The following PAXIP1 variants were observed in gnomAD, a reference collection of about 807,000 sequenced individuals.
The protein encoded by PAXIP1 is PAX-interacting protein 1.
A neutral mutation model predicts 140.6 loss-of-function variants in PAXIP1; 19 were observed. The ratio of observed to expected loss-of-function variants is 0.14; its 90% CI spans 0.09 to 0.20. The LOEUF is 0.20. Among genes scored for constraint, PAXIP1 ranks in the 10% least tolerant of loss-of-function variants. The probability of loss-of-function intolerance (pLI) is 1.00; values close to 1 mark genes in which losing one functional copy is unlikely to be tolerated. For missense variants in PAXIP1, 920 were observed against 1,208.6 expected (o/e 0.76, Z 3.54); for synonymous variants, 442 against 444.6 (o/e 0.99, Z 0.07).
rs1331013601 is a variant in PAXIP1, at chr7:154,948,012, C to T, written c.2822-9G>A. 1.3e-6 allele frequency: 2 copies of T among 1,573,266 alleles called. No individual in the cohort carries two copies. The highest frequency in any genetic ancestry group is 2.7e-5 in the African/African-American group (2 of 74,016). On this transcript the variant is annotated splice_polypyrimidine_tract_variant and intron_variant, in intron 16 of 20. Transcript: ENST00000404141. ...AATGTAGTTCTGCTCATCTGGAAAA[C>T]AGAACAGCACATACTCTGAAAAGTG... is the stretch of plus-strand genomic sequence containing the variant.
chr7:154,971,045 C>T (rs1170889062), intron 6 of PAXIP1, among the ~76,000 whole-genome samples: 6 of 152,148 alleles, frequency 3.9e-5, no homozygotes, highest in Non-Finnish European at 7.4e-5. Context: ...AGGCACAGGA[C>T]CTAGACAAAC....
Position 154,960,962 on chromosome 7 carries a change from TATACTG to T in PAXIP1, c.2359_2364del (p.Gln787_Tyr788del). The T allele has an allele frequency of 6.2e-7, 1 of 1,605,230 alleles. No homozygotes were observed. Among genetic ancestry groups the T allele is most frequent in the Non-Finnish European group, 8.5e-7 (1 of 1,175,524 alleles). ...TGCAGACTGAATGCCGTGTAGCGAC[TATACTG>T]AATCTGCCTCAGTGCCTCAAAGTTT... On this transcript the variant is annotated inframe_deletion, in exon 12 of 21. Transcript: ENST00000404141.
At position 154,973,921 on chromosome 7, in the gene PAXIP1, C is replaced by T. The variant is rs944427557; in HGVS notation, c.1074+1775G>A. 1.3e-5 allele frequency among the ~76,000 whole-genome samples: 2 copies of T among 152,152 alleles called. No individual in the cohort carries two copies. The highest frequency in any genetic ancestry group is 2.9e-5 in the Non-Finnish European group (2 of 68,036). On this transcript the variant is annotated intron_variant, in intron 6 of 20. Coordinates refer to ENST00000404141, the MANE Select transcript of PAXIP1 (RefSeq NM_007349.4). This position sits in a 1 kb window ranked among gnomAD's most constrained non-coding sequence, Gnocchi z 4.0. ...GTCCAGAACAAGGTGAAGCGGCAGA[C>T]GGGGTGTCACCATCAGATGGAACAG...
intron 1 of PAXIP1, 56 bp downstream of exon 1, chr7:155,002,790 ACGG>A: frequency 1.0e-6 from 1 of 963,952 alleles, no homozygotes; most frequent in African/African-American, 1.7e-5. Context: ...GGGGACGGGG[ACGG>A]GGACGGACGG....
chr7:154,957,398 C>A lies in PAXIP1; in HGVS notation c.2479-104G>T, dbSNP rs960595136. ...AATAATCAAACTACTTAAACATATA[C>A]AAGAATCATGTTCTTCTTCACCACA... On this transcript the variant is annotated intron_variant, in intron 13 of 20. Transcript: ENST00000404141. The A allele has an allele frequency of 2.4e-5, 14 of 574,402 alleles. No individual in the cohort carries two copies. The African/African-American group carries it at 2.5e-4, about 10-fold the overall frequency. 35.6% of individuals were successfully genotyped at this position (574,402 alleles called of 1,614,324 possible). A position where few individuals can be genotyped will look rare whatever the true frequency, so the allele number is the denominator to read the frequency against.
intron 13 of PAXIP1, among the ~76,000 whole-genome samples, chr7:154,959,310 A>ACT (rs1808655899): frequency 6.6e-6 from 1 of 152,218 alleles, no homozygotes; most frequent in South Asian, 2.1e-4. Flanking sequence ...TTACACTACT[A>ACT]CTGGCCAACA....
intron 13 of PAXIP1, among the ~76,000 whole-genome samples, chr7:154,959,217 TTGG>T (rs1808653032): frequency 6.6e-6 from 1 of 152,212 alleles, no homozygotes; most frequent in South Asian, 2.1e-4. Flanking sequence ...TGGTGAAAAC[TTGG>T]TGGGCACATG....
chr7:154,958,231 G>C (rs1808615738), intron 13 of PAXIP1, among the ~76,000 whole-genome samples: 1 of 152,154 alleles, frequency 6.6e-6, no homozygotes, highest in African/African-American at 2.4e-5. Flanking sequence ...AAAGAGAGCA[G>C]GAAGGAGATG....
intron 1 of PAXIP1, chr7:155,001,096 A>C (rs558474212): frequency 2.6e-5 from 4 of 152,382 alleles, no homozygotes; most frequent in African/African-American, 9.6e-5. Flanking sequence ...ATGTGAACTT[A>C]TAATCCACAG....
intron 2 of PAXIP1, among the ~76,000 whole-genome samples, chr7:154,995,074 C>T (rs1044052157): frequency 2.0e-5 from 3 of 152,216 alleles, no homozygotes; most frequent in African/African-American, 7.2e-5. Context: ...CCCCTCTCTC[C>T]TCATGATGCC....
At chr7:154,971,629 C>T (rs761567598) in intron 6 of PAXIP1, among the ~76,000 whole-genome samples, 59 of 152,224 alleles carry the variant, frequency 3.9e-4, no homozygotes, top group Non-Finnish European at 6.0e-4. Context: ...CGTAATTGTG[C>T]TATACTACAA....
At chr7:154,945,856 G>C in intron 20 of PAXIP1, 1 of 985,040 alleles carries the variant, frequency 1.0e-6, no homozygotes, top group Non-Finnish European at 1.2e-6. Context: ...GTCTGAAATA[G>C]AAAAAAGCCT....
rs750385990 is a variant in PAXIP1 at position 154,960,959 on chromosome 7, G to A, written c.2368C>T (p.Arg790Cys). 28 of 1,604,556 alleles carry A rather than the reference G, an allele frequency of 1.7e-5. No homozygotes were observed. Among genetic ancestry groups the A allele is most frequent in the Middle Eastern group, 3.3e-4 (2 of 6,080 alleles). Reference sequence around the variant, plus strand: ...TCCTGCAGACTGAATGCCGTGTAGCGACTATACTGAATCTGCCTCAGTGCC... The same window carrying A: ...TCCTGCAGACTGAATGCCGTGTAGCAACTATACTGAATCTGCCTCAGTGCC... ...FEALRQIQYS[R>C]YTAFSLQDPF... The change falls in exon 12 of 21, where the codon CGC becomes TGC. Residue 790 changes from arginine to cysteine, a missense_variant. Arg to Cys is a radical substitution (Grantham distance 180). Transcript: ENST00000404141.
Position 154,967,904 on chromosome 7 carries a change from T to C in PAXIP1, c.1805A>G (p.Glu602Gly). 1 of 1,609,254 alleles carries C rather than the reference T, an allele frequency of 6.2e-7. No individual in the cohort carries two copies. Among genetic ancestry groups the C allele is most frequent in the Non-Finnish European group, 8.5e-7 (1 of 1,176,424 alleles). ...FGHDPAVEIP[E>G]EGFLLGCVFA... ...CACACATCCCAATAAGAAGCCTTCT[T>C]CTGGAACTAGAGTAAAATTACATAA... The change falls in exon 8 of 21, where the codon GAA becomes GGA. Residue 602 changes from glutamate to glycine, a missense_variant. Coordinates refer to ENST00000404141, the MANE Select transcript of PAXIP1 (RefSeq NM_007349.4).
chr7:154,968,512 C>A lies in PAXIP1; in HGVS notation c.1689G>T (p.Ala563=). 1.2e-6 allele frequency: 1 copy of A among 845,446 alleles called. No individual in the cohort carries two copies. The allele number at this position is 845,446 out of a possible 1,614,324, so 52.4% of individuals were successfully genotyped here. ...GCTGAGGTGGAACCTGATGCTGCAG[C>A]GCCTGTGACGTCTGACTCAAGTGTG... The part of the protein sequence containing the change: ...TAPHLSQTSQ[A]LQHQVPPQQP... Residue 563 remains alanine, a synonymous_variant, in exon 7 of 21, where the codon GCG becomes GCT. Transcript: ENST00000404141.
chr7:154,959,678 AAGTAGGTTACACACCC>A (rs1808673584), intron 13 of PAXIP1, among the ~76,000 whole-genome samples, 196 bp downstream of exon 13: 2 of 152,174 alleles, frequency 1.3e-5, no homozygotes, highest in African/African-American at 4.8e-5. Context: ...CTGTAGCCCC[AAGTAGGTTACACACCC>A]ATTGCTTCCA....
intron 20 of PAXIP1, chr7:154,945,994 C>G: frequency 2.0e-6 from 2 of 984,854 alleles, no homozygotes; most frequent in South Asian, 4.7e-5. Context: ...AGACTATATA[C>G]GAACTAAATT....
Position 154,946,742 on chromosome 7 carries a change from T to C in PAXIP1, c.2994A>G (p.Ala998=), listed in dbSNP as rs1247227437. 2 of 1,613,400 alleles carry C rather than the reference T, an allele frequency of 1.2e-6. No individual in the cohort carries two copies. Among genetic ancestry groups the C allele is most frequent in the Non-Finnish European group, 1.7e-6 (2 of 1,179,566 alleles). ...LSTMKAIVEC[A]GGKVLSKQPS... ...GCTGCTTGGATAACACCTTTCCTCCTGCACACTCTACGATTGCCTTCATAG... is the reference window on the plus strand; with the variant it reads ...GCTGCTTGGATAACACCTTTCCTCCCGCACACTCTACGATTGCCTTCATAG... The change falls in exon 18 of 21, where the codon GCA becomes GCG. Residue 998 remains alanine, a synonymous_variant. Transcript: ENST00000404141. The surrounding 1 kb of genome is among the most constrained non-coding windows in gnomAD (Gnocchi z 4.9).
chr7:154,953,258 G>A (rs1475610866), intron 16 of PAXIP1, among the ~76,000 whole-genome samples: 2 of 152,156 alleles, frequency 1.3e-5, no homozygotes, highest in East Asian at 1.9e-4. Flanking sequence ...AAGGGGTCGG[G>A]GGCGAGGGAG....
Sources: allele counts gnomAD v4.1 joint callset (sites outside exome capture counted in the v4.1 genomes callset), GRCh38; gene constraint gnomAD v4.1.1; non-coding constraint Gnocchi (gnomAD v3.1); transcripts MANE v1.5; gene names NCBI Gene and HGNC (gene_info 2026-07-23, HGNC 2026-07-21).